Variants in ADAMTS12 observed in about 807,000 individuals in gnomAD.
ADAMTS12 encodes the protein A disintegrin and metalloproteinase with thrombospondin motifs 12.
A neutral mutation model predicts 167.8 loss-of-function variants in ADAMTS12; 118 were observed. The observed-to-expected ratio is 0.70, with a 90% CI of 0.61 to 0.82. The LOEUF (loss-of-function observed/expected upper bound fraction) is 0.82, where lower values mean the gene tolerates loss of function less well. Ranked by LOEUF, ADAMTS12 falls within the 40% of genes least tolerant of loss-of-function variation. The probability of loss-of-function intolerance (pLI) is 0.00; values close to 1 mark genes in which losing one functional copy is unlikely to be tolerated. For synonymous variants in ADAMTS12, 704 were observed against 716.9 expected, an observed-to-expected ratio of 0.98 and a Z score of 0.29; for missense variants, 1,916 against 1,998.8, an observed-to-expected ratio of 0.96 and a Z score of 0.79.
chr5:33,640,953 T>C (rs4519928), intron 11 of ADAMTS12, among the ~76,000 whole-genome samples: 85,817 of 151,148 alleles, frequency 0.57, 24,980 homozygotes, highest in East Asian at 0.67. Context: ...AATTGAGATA[T>C]TGAGAGATAA....
Position 33,577,101 on chromosome 5 carries a change from A to C in ADAMTS12, c.2925T>G (p.His975Gln), listed in dbSNP as rs1171341963. 1 of 1,614,188 alleles carries C rather than the reference A, an allele frequency of 6.2e-7. No homozygotes were observed. The highest frequency in any genetic ancestry group is 8.5e-7 in the Non-Finnish European group (1 of 1,180,016). ...TCCTTGTCACATCGCAAGGTTCATC[A>C]TGGTTCTTGGCACATGTGACACTGC... ...RIRSVTCAKN[H>Q]DEPCDVTRKP... is the part of the protein sequence containing the mutation. Residue 975 changes from histidine (H) to glutamine (Q), a missense_variant, in exon 19 of 24, where the codon CAT becomes CAG. Transcript: ENST00000504830.
chr5:33,650,857 A>G (rs1395827939), intron 7 of ADAMTS12, among the ~76,000 whole-genome samples: 8 of 152,182 alleles, frequency 5.3e-5, no homozygotes, highest in African/African-American at 1.9e-4. Context: ...AAATTTCTAA[A>G]TCTGTATGAC....
intron 2 of ADAMTS12, among the ~76,000 whole-genome samples, chr5:33,835,941 CTCTCTCTCTCTCTGTGTGTGTG>C (rs1287554288): frequency 4.0e-5 from 2 of 50,004 alleles, no homozygotes; most frequent in East Asian, 6.1e-4. Flanking sequence ...CTCTCTCTCT[CTCTCTCTCTCTCTGTGTGTGTG>C]TGTGTGTCCA....
Position 33,741,129 on chromosome 5 carries a change from G to T in ADAMTS12, c.634+10275C>A, listed in dbSNP as rs370251085. ...CCTGCTGCACACACAGCGTAACTAAGTGCTCCTGGGTTGGCAGAAGGAAAG... is the reference window on the plus strand; with the variant it reads ...CCTGCTGCACACACAGCGTAACTAATTGCTCCTGGGTTGGCAGAAGGAAAG... On this transcript the variant is annotated intron_variant, in intron 3 of 23. Transcript: ENST00000504830. Among the ~76,000 whole-genome samples, 13 of 152,312 alleles carry T rather than the reference G, an allele frequency of 8.5e-5. No individual in the cohort carries two copies. The East Asian group carries it at 1.4e-3, about 16-fold the overall frequency.
At chr5:33,536,347 T>C (rs764351177) in intron 22 of ADAMTS12, among the ~76,000 whole-genome samples, 12 of 152,174 alleles carry the variant, frequency 7.9e-5, no homozygotes, top group African/African-American at 1.4e-4. Flanking sequence ...AGTTTAGCCA[T>C]TTGTTTCCAG....
At chr5:33,878,497 T>C (rs1010529854) in intron 2 of ADAMTS12, among the ~76,000 whole-genome samples, 3 of 152,152 alleles carry the variant, frequency 2.0e-5, no homozygotes, top group African/African-American at 4.8e-5. Context: ...CTTGGGGACA[T>C]TTGAAATTGA....
chr5:33,569,652 A>G (rs1362805380), intron 19 of ADAMTS12, among the ~76,000 whole-genome samples: 1 of 152,238 alleles, frequency 6.6e-6, no homozygotes, highest in East Asian at 1.9e-4. Context: ...GGGAAAAAAC[A>G]GAGCAGAAAA....
At chr5:33,841,337 T>G (rs899698055) in intron 2 of ADAMTS12, among the ~76,000 whole-genome samples, 1 of 152,246 alleles carries the variant, frequency 6.6e-6, no homozygotes, top group Non-Finnish European at 1.5e-5. Context: ...CTTCTCACTG[T>G]GCTGTCAGCT....
In ADAMTS12 at chr5:33,694,363, T is replaced by C. The variant is rs886670067; in HGVS notation, c.635-10308A>G. On this transcript the variant is annotated intron_variant, in intron 3 of 23. Transcript: ENST00000504830. ...GTAAGAGCAATCACATAGTAACCTA[T>C]ATAATTACTGAGAAATATAAACCTA... 5.9e-5 allele frequency among the ~76,000 whole-genome samples: 9 copies of C among 152,332 alleles called. 1 individual carries two copies. The highest frequency in any genetic ancestry group is 5.8e-4 in the East Asian group (3 of 5,190).
intron 2 of ADAMTS12, among the ~76,000 whole-genome samples, chr5:33,755,671 AC>A (rs2112398772): frequency 6.6e-6 from 1 of 152,330 alleles, no homozygotes; most frequent in East Asian, 1.9e-4. Flanking sequence ...CTGGAGTACC[AC>A]AAGTAAAGCC....
intron 2 of ADAMTS12, among the ~76,000 whole-genome samples, chr5:33,773,964 G>A (rs750863870): frequency 1.3e-5 from 2 of 152,142 alleles, no homozygotes; most frequent in Non-Finnish European, 2.9e-5. Context: ...ACTGCCATCC[G>A]CCTCACCTAC....
intron 3 of ADAMTS12, among the ~76,000 whole-genome samples, chr5:33,746,717 C>G (rs1744800734): frequency 6.6e-6 from 1 of 152,164 alleles, no homozygotes; most frequent in African/African-American, 2.4e-5. Flanking sequence ...AAACACTAAT[C>G]TGGGTGTTGC....
chr5:33,878,879 TAAC>T (rs1183692044), intron 2 of ADAMTS12, among the ~76,000 whole-genome samples: 2 of 152,168 alleles, frequency 1.3e-5, no homozygotes, highest in African/African-American at 2.4e-5. Context: ...GAGCCAGGGT[TAAC>T]AACGACTACT....
chr5:33,793,611 T>C (rs953248960), intron 2 of ADAMTS12, among the ~76,000 whole-genome samples: 1 of 152,204 alleles, frequency 6.6e-6, no homozygotes, highest in Admixed American at 6.5e-5. Context: ...CCCAAACTTT[T>C]TTTTCTTATT....
At chr5:33,539,971 C>T (rs1317607921) in intron 22 of ADAMTS12, among the ~76,000 whole-genome samples, 1 of 152,192 alleles carries the variant, frequency 6.6e-6, no homozygotes, top group African/African-American at 2.4e-5. Context: ...GCTGTCCCTG[C>T]ACCATGGAGG....
intron 3 of ADAMTS12, among the ~76,000 whole-genome samples, chr5:33,699,305 A>C (rs1211445529): frequency 6.6e-6 from 1 of 152,172 alleles, no homozygotes; most frequent in Non-Finnish European, 1.5e-5. Flanking sequence ...AAGCAATTCA[A>C]AGGAGAAAGG....
chr5:33,676,011 AT>A (rs2040714532), intron 5 of ADAMTS12, among the ~76,000 whole-genome samples: 1 of 151,830 alleles, frequency 6.6e-6, no homozygotes, highest in Non-Finnish European at 1.5e-5. Context: ...CATTCACACT[AT>A]TTTTTCCTCA....
At chr5:33,557,907 T>C (rs1745557548) in intron 20 of ADAMTS12, among the ~76,000 whole-genome samples, 1 of 152,016 alleles carries the variant, frequency 6.6e-6, no homozygotes, top group African/African-American at 2.4e-5. Context: ...GCAAAGCCTA[T>C]TGTGAACTGT....
At chr5:33,693,946 G>T (rs911474458) in intron 3 of ADAMTS12, among the ~76,000 whole-genome samples, 1 of 152,060 alleles carries the variant, frequency 6.6e-6, no homozygotes, top group African/African-American at 2.4e-5. Flanking sequence ...TCTGATCAAT[G>T]ACTTTAGCAA....
Sources: allele counts gnomAD v4.1 joint callset (sites outside exome capture counted in the v4.1 genomes callset), GRCh38; gene constraint gnomAD v4.1.1; transcripts MANE v1.5; gene names NCBI Gene and HGNC (gene_info 2026-07-23, HGNC 2026-07-21).